IQCB1: variants seen among roughly 807,000 people sequenced by gnomAD.
IQCB1 encodes IQ calmodulin-binding motif-containing protein 1.
Under a neutral mutation model 84.4 loss-of-function variants are expected in IQCB1, and 56 were observed. That is an observed-to-expected ratio of 0.66 (90% CI 0.54 to 0.83). The LOEUF is 0.83. IQCB1 is among the 40% of genes least tolerant of loss of function. IQCB1 has a pLI of 0.00. For synonymous variants in IQCB1, 210 were observed against 234.8 expected, an observed-to-expected ratio of 0.89 and a Z score of 0.96; for missense variants, 629 against 682.1, an observed-to-expected ratio of 0.92 and a Z score of 0.87.
chr3:121,828,815 CATTTTTCACTTAAAATGCTATCTA>C (rs1470236088), intron 3 of IQCB1, 22 bp downstream of exon 3: 2 of 1,218,840 alleles, frequency 1.6e-6, no homozygotes, highest in African/African-American at 1.5e-5. Flanking sequence ...ACGATGGAAC[CATTTTTCACTTAAAATGCTATCTA>C]ATCACAAAAA....
intron 12 of IQCB1, among the ~76,000 whole-genome samples, chr3:121,782,251 G>T (rs930561815): frequency 6.6e-6 from 1 of 152,210 alleles, no homozygotes; most frequent in Non-Finnish European, 1.5e-5. Context: ...CTAGATGATT[G>T]TAAACACCAA....
chr3:121,770,627 G>T, intron 14 of IQCB1, 53 bp from the exon 15 acceptor site: 1 of 1,378,824 alleles, frequency 7.3e-7, no homozygotes, highest in Non-Finnish European at 1.0e-6. Context: ...TGCCAAGCAG[G>T]TAGGAACTTG....
intron 7 of IQCB1, among the ~76,000 whole-genome samples, chr3:121,805,828 C>T (rs1046582381): frequency 5.9e-5 from 9 of 152,090 alleles, no homozygotes; most frequent in African/African-American, 1.9e-4. Flanking sequence ...ATACCCTCTG[C>T]AGATCTCTGG....
chr3:121,801,464 C>T (rs1451179092), intron 7 of IQCB1, among the ~76,000 whole-genome samples: 4 of 152,050 alleles, frequency 2.6e-5, no homozygotes, highest in Non-Finnish European at 4.4e-5. Context: ...ATACCACAGT[C>T]TAATCACCCA....
intron 5 of IQCB1, among the ~76,000 whole-genome samples, chr3:121,821,253 C>A (rs1203923592): frequency 6.6e-6 from 1 of 152,176 alleles, no homozygotes; most frequent in Non-Finnish European, 1.5e-5. Context: ...CAGGCGTGAG[C>A]CACTGCATCT....
intron 7 of IQCB1, among the ~76,000 whole-genome samples, 164 bp from the exon 8 acceptor site, chr3:121,799,538 C>T (rs548951977): frequency 6.6e-6 from 1 of 151,936 alleles, no homozygotes; most frequent in African/African-American, 2.4e-5. Flanking sequence ...ATATCATATT[C>T]AGTCACTTAA....
At chr3:121,807,566 ACT>A (rs2108591967) in intron 6 of IQCB1, 123 bp from the exon 7 acceptor site, 1 of 609,352 alleles carries the variant, frequency 1.6e-6, no homozygotes, top group South Asian at 1.8e-5. Flanking sequence ...GACTTTGTAG[ACT>A]CTACGATAAA....
chr3:121,783,013 T>C (rs945270018), intron 12 of IQCB1, among the ~76,000 whole-genome samples: 1 of 152,190 alleles, frequency 6.6e-6, no homozygotes, highest in African/African-American at 2.4e-5. Context: ...GCCATGCTCA[T>C]CGGCTGCTTT....
At chr3:121,782,684 A>AT (rs71133569) in intron 12 of IQCB1, among the ~76,000 whole-genome samples, 55 of 147,900 alleles carry the variant, frequency 3.7e-4, no homozygotes, top group East Asian at 5.9e-4. Flanking sequence ...TACAAATAAC[A>AT]TTTTTTTTTT....
intron 1 of IQCB1, 57 bp downstream of exon 1, chr3:121,834,908 CT>C: frequency 3.1e-6 from 1 of 324,618 alleles, no homozygotes; most frequent in South Asian, 3.0e-5. Context: ...GGGTCCTGGC[CT>C]CCTGGTAGGC....
chr3:121,819,629 T>C lies in IQCB1; in HGVS notation c.393+6422A>G, dbSNP rs1238640555. On this transcript the variant is annotated intron_variant, in intron 5 of 14. Coordinates refer to ENST00000310864, the MANE Select transcript of IQCB1 (RefSeq NM_001023570.4). Reference sequence around the variant, plus strand: ...TGTACTTATTAAACATAGTAATTAATGATTAATAATTATGCTTTTTCAACT... The same window carrying C: ...TGTACTTATTAAACATAGTAATTAACGATTAATAATTATGCTTTTTCAACT... 5.3e-5 allele frequency among the ~76,000 whole-genome samples: 8 copies of C among 152,338 alleles called. No homozygotes were observed. In the East Asian group the frequency reaches 1.5e-3, roughly 29 times the overall value.
chr3:121,788,314 C>A lies in IQCB1; in HGVS notation c.1248G>T (p.Glu416Asp). 6.2e-7 allele frequency: 1 copy of A among 1,614,012 alleles called. No homozygotes were observed. The highest frequency in any genetic ancestry group is 8.5e-7 in the Non-Finnish European group (1 of 1,179,962). ...TTTGAAGTGTGACAGCTGCTTTATA[C>A]TCTATGAGAGACTGCCTCTGTTGGT... ...NFHQQRQSLI[E>D]YKAAVTLQRA... The change falls in exon 12 of 15, where the codon GAG becomes GAT. Residue 416 changes from glutamate (E) to aspartate (D), a missense_variant. Transcript: ENST00000310864.
intron 5 of IQCB1, among the ~76,000 whole-genome samples, chr3:121,821,981 G>T (rs1207221468): frequency 6.6e-6 from 1 of 152,206 alleles, no homozygotes; most frequent in East Asian, 1.9e-4. Flanking sequence ...TAGAACAAAA[G>T]ATTGACCCTC....
At chr3:121,825,235 T>C (rs531963695) in intron 5 of IQCB1, among the ~76,000 whole-genome samples, 1 of 152,036 alleles carries the variant, frequency 6.6e-6, no homozygotes, top group Non-Finnish European at 1.5e-5. Context: ...TAATTTTGCA[T>C]TTTTAGTAGA....
chr3:121,826,419 G>A (rs1258346521), intron 4 of IQCB1, among the ~76,000 whole-genome samples: 1 of 152,154 alleles, frequency 6.6e-6, no homozygotes, highest in Non-Finnish European at 1.5e-5. Context: ...AGCTCATTCA[G>A]CAAATAAAAG....
At chr3:121,799,686 C>T (rs528179121) in intron 7 of IQCB1, among the ~76,000 whole-genome samples, 1 of 151,754 alleles carries the variant, frequency 6.6e-6, no homozygotes, top group Admixed American at 6.6e-5. Context: ...AAATACTAAA[C>T]AATAAATAAT....
Position 121,772,558 on chromosome 3 carries a change from C to A in IQCB1, c.1566G>T (p.Met522Ile). Residue 522 changes from methionine (M) to isoleucine (I), a missense_variant and splice_region_variant, in exon 14 of 15, where the codon ATG becomes ATT. Transcript: ENST00000310864. Reference protein sequence around the residue: ...AQISTNVEQLMKAPSLKEAEG... With the variant: ...AQISTNVEQLIKAPSLKEAEG... Reference sequence around the variant, plus strand: ...AACGAAAGTAAAATGAGCACATACTCATTAGCTGTTCAACGTTGGTGCTGA... The same window carrying A: ...AACGAAAGTAAAATGAGCACATACTAATTAGCTGTTCAACGTTGGTGCTGA... 1.2e-6 allele frequency: 2 copies of A among 1,614,170 alleles called. No individual in the cohort carries two copies. The highest frequency in any genetic ancestry group is 2.2e-5 in the South Asian group (2 of 91,076).
At chr3:121,825,364 A>G (rs1488461767) in intron 5 of IQCB1, among the ~76,000 whole-genome samples, 1 of 152,062 alleles carries the variant, frequency 6.6e-6, no homozygotes, top group African/African-American at 2.4e-5. Context: ...CCAGCCCACA[A>G]AAGTTTCTTT....
intron 5 of IQCB1, among the ~76,000 whole-genome samples, chr3:121,820,996 C>CA (rs1950254984): frequency 6.9e-6 from 1 of 145,584 alleles, no homozygotes. Flanking sequence ...TTCTTTTTTT[C>CA]TTTTTTTTTA....
Sources: gnomAD v4.1 joint callset for allele counts (sites outside exome capture counted in the v4.1 genomes callset) on GRCh38, gnomAD v4.1.1 for gene constraint, MANE v1.5 for transcripts, NCBI Gene and HGNC (gene_info 2026-07-23, HGNC 2026-07-21) for gene names.